TRABD2B: variants seen among roughly 807,000 people sequenced by gnomAD.
TRABD2B encodes TraB domain containing 2B, also known as metalloprotease TIKI2.
TRABD2B carries 14 observed loss-of-function variants against 40.1 expected under a neutral mutation model. The ratio of observed to expected loss-of-function variants is 0.35; its 90% CI spans 0.23 to 0.55. The LOEUF (loss-of-function observed/expected upper bound fraction) is 0.55, where lower values mean the gene tolerates loss of function less well. Ranked by LOEUF, TRABD2B falls within the 20% of genes least tolerant of loss-of-function variation. TRABD2B has a pLI of 0.90. For missense variants in TRABD2B, 541 were observed against 648.6 expected (o/e 0.83, Z 1.80); for synonymous variants, 263 against 277.0 (o/e 0.95, Z 0.50).
intron 2 of TRABD2B, among the ~76,000 whole-genome samples, chr1:47,933,286 A>AT (rs542333065): frequency 0.021 from 3,142 of 148,802 alleles, 121 homozygotes; most frequent in African/African-American, 0.073. Flanking sequence ...TTTTTTTTGT[A>AT]TTTTTTTAGT....
At chr1:47,864,964 C>T (rs186498690) in intron 2 of TRABD2B, among the ~76,000 whole-genome samples, 237 of 151,356 alleles carry the variant, frequency 1.6e-3, no homozygotes, top group African/African-American at 5.4e-3. Flanking sequence ...GCCCTAGGCA[C>T]ACCACCACTG....
intron 2 of TRABD2B, among the ~76,000 whole-genome samples, chr1:47,990,762 A>C (rs1182121763): frequency 2.0e-5 from 2 of 102,418 alleles, no homozygotes; most frequent in Non-Finnish European, 3.7e-5. Context: ...TGGTTTTAAA[A>C]CGTTGGTTTT....
At chr1:47,962,254 C>T (rs538576543) in intron 2 of TRABD2B, among the ~76,000 whole-genome samples, 1 of 151,960 alleles carries the variant, frequency 6.6e-6, no homozygotes, top group Non-Finnish European at 1.5e-5. Context: ...AGGAGATATA[C>T]CTAATGTAAA....
rs537923952 is a variant in TRABD2B, at chr1:47,982,522, C to G, written c.666+11512G>C. On this transcript the variant is annotated intron_variant, in intron 2 of 6. Coordinates refer to ENST00000606738, the MANE Select transcript of TRABD2B (RefSeq NM_001194986.2). ...CAGTCCAGTTTCTTCCTTAAGGTATCAAAAGATCCAAGTAGAAATCCTGGC... is the reference window on the plus strand; with the variant it reads ...CAGTCCAGTTTCTTCCTTAAGGTATGAAAAGATCCAAGTAGAAATCCTGGC... Among the ~76,000 whole-genome samples the G allele has an allele frequency of 2.0e-4, 30 of 152,246 alleles. No individual in the cohort carries two copies. The South Asian group carries it at 4.6e-3, about 23-fold the overall frequency.
chr1:47,978,188 G>A (rs1301908714), intron 2 of TRABD2B, among the ~76,000 whole-genome samples: 1 of 151,984 alleles, frequency 6.6e-6, no homozygotes, highest in Non-Finnish European at 1.5e-5. Context: ...GGACTGAAGG[G>A]GCCATAGTTC....
Position 47,910,212 on chromosome 1 carries a change from AG to A in TRABD2B, c.666+83821del, listed in dbSNP as rs987791424. Among the ~76,000 whole-genome samples the A allele has an allele frequency of 5.3e-5, 8 of 152,198 alleles. No individual in the cohort carries two copies. The East Asian group carries it at 1.4e-3, about 26-fold the overall frequency. ...TGGGGACAAGCATCCAAACCATATC[AG>A]GAAGGTATTCTTACTACCTTCATCT... On this transcript the variant is annotated intron_variant, in intron 2 of 6. Coordinates refer to ENST00000606738, the MANE Select transcript of TRABD2B (RefSeq NM_001194986.2).
At chr1:47,800,097 T>C (rs188930172) in intron 3 of TRABD2B, among the ~76,000 whole-genome samples, 9 of 152,236 alleles carry the variant, frequency 5.9e-5, no homozygotes, top group Admixed American at 4.6e-4. Flanking sequence ...CTCCAGCCAG[T>C]TGAGATAAAT....
At chr1:47,936,044 T>C (rs1426383340) in intron 2 of TRABD2B, among the ~76,000 whole-genome samples, 9 of 152,080 alleles carry the variant, frequency 5.9e-5, no homozygotes, top group Non-Finnish European at 1.2e-4. Context: ...CAGAAGAACA[T>C]ATGGGAAAGC....
chr1:47,774,517 C>T (rs1644416881), intron 6 of TRABD2B, among the ~76,000 whole-genome samples: 1 of 152,224 alleles, frequency 6.6e-6, no homozygotes, highest in Non-Finnish European at 1.5e-5. Flanking sequence ...ATCCTGGTCA[C>T]AGCAGGACTT....
intron 2 of TRABD2B, among the ~76,000 whole-genome samples, chr1:47,814,750 T>C (rs1208599275): frequency 6.6e-6 from 1 of 152,138 alleles, no homozygotes; most frequent in Non-Finnish European, 1.5e-5. Flanking sequence ...TGGGACTCTG[T>C]GGTGCTGACA....
chr1:47,960,189 A>C (rs960902482), intron 2 of TRABD2B, among the ~76,000 whole-genome samples: 1 of 152,220 alleles, frequency 6.6e-6, no homozygotes, highest in African/African-American at 2.4e-5. Flanking sequence ...AACTCTCAAT[A>C]AACTAGGTAT....
chr1:47,890,776 G>A (rs907332077), intron 2 of TRABD2B, among the ~76,000 whole-genome samples: 3 of 152,212 alleles, frequency 2.0e-5, no homozygotes, highest in African/African-American at 7.2e-5. Context: ...GGAGCCTACT[G>A]TAGGCCCTGA....
intron 2 of TRABD2B, among the ~76,000 whole-genome samples, chr1:47,940,020 A>C (rs1044947518): frequency 2.6e-5 from 4 of 152,184 alleles, no homozygotes; most frequent in African/African-American, 9.7e-5. Flanking sequence ...ATCTGGCTCC[A>C]ACCGAATTTC....
At chr1:47,864,096 G>A (rs1644018499) in intron 2 of TRABD2B, among the ~76,000 whole-genome samples, 1 of 152,112 alleles carries the variant, frequency 6.6e-6, no homozygotes, top group African/African-American at 2.4e-5. Flanking sequence ...CAGGTGTTGT[G>A]GGGAGGGAGG....
chr1:47,822,265 A>G (rs1454688806), intron 2 of TRABD2B, among the ~76,000 whole-genome samples: 1 of 152,030 alleles, frequency 6.6e-6, no homozygotes, highest in African/African-American at 2.4e-5. Context: ...CTTCCCACAC[A>G]TCTGTGGGCT....
At chr1:47,832,552 T>C (rs1256531584) in intron 2 of TRABD2B, among the ~76,000 whole-genome samples, 1 of 152,144 alleles carries the variant, frequency 6.6e-6, no homozygotes, top group Non-Finnish European at 1.5e-5. Flanking sequence ...CAAATTTAAA[T>C]GGCTATAATT....
intron 2 of TRABD2B, among the ~76,000 whole-genome samples, chr1:47,921,927 C>T (rs1160977173): frequency 6.6e-6 from 1 of 152,158 alleles, no homozygotes; most frequent in African/African-American, 2.4e-5. Context: ...TAATCCATAC[C>T]TCAACTAGAA....
chr1:47,875,667 C>T (rs1434702183), intron 2 of TRABD2B, among the ~76,000 whole-genome samples: 3 of 104,968 alleles, frequency 2.9e-5, no homozygotes, highest in East Asian at 3.1e-4. Context: ...AGAGTGAAAC[C>T]CTGTCTCAAA....
chr1:47,854,070 A>C (rs1643866511), intron 2 of TRABD2B, among the ~76,000 whole-genome samples: 1 of 152,226 alleles, frequency 6.6e-6, no homozygotes, highest in African/African-American at 2.4e-5. Context: ...AGTTACAAGC[A>C]GAGCTTTGGG....
Sources: allele counts gnomAD v4.1 joint callset (sites outside exome capture counted in the v4.1 genomes callset), GRCh38; gene constraint gnomAD v4.1.1; transcripts MANE v1.5; gene names NCBI Gene and HGNC (gene_info 2026-07-23, HGNC 2026-07-21).